Variants in RBM45 observed in about 807,000 individuals in gnomAD.
The protein encoded by RBM45 is RNA binding motif protein 45.
In RBM45, 39 loss-of-function variants were observed where a neutral mutation model predicts 58.5. That is an observed-to-expected ratio of 0.67 (90% CI 0.52 to 0.87). The LOEUF (loss-of-function observed/expected upper bound fraction) is 0.87. RBM45 is among the 40% of genes least tolerant of loss of function. The pLI is 0.00. For synonymous variants in RBM45, 193 were observed against 203.0 expected, an observed-to-expected ratio of 0.95 and a Z score of 0.42; for missense variants, 481 against 581.6, an observed-to-expected ratio of 0.83 and a Z score of 1.78.
intron 6 of RBM45, 32 bp from the exon 7 acceptor site, chr2:178,123,795 AG>A (rs1279413301): frequency 4.4e-6 from 7 of 1,608,494 alleles, no homozygotes; most frequent in Non-Finnish European, 5.1e-6. Flanking sequence ...GAATATTTTT[AG>A]TTTTCTGTAA....
intron 9 of RBM45, among the ~76,000 whole-genome samples, chr2:178,128,598 T>A (rs1397778987): frequency 1.3e-5 from 2 of 152,246 alleles, no homozygotes; most frequent in Admixed American, 1.3e-4. Flanking sequence ...GAATTGCATT[T>A]TCAGCATGGC....
intron 5 of RBM45, among the ~76,000 whole-genome samples, chr2:178,123,080 A>G (rs1031290037): frequency 6.6e-6 from 1 of 152,006 alleles, no homozygotes; most frequent in Non-Finnish European, 1.5e-5. Context: ...TCCTCTCCCT[A>G]CTGCTGCAGA....
chr2:178,115,834 A>C (rs1047487382), intron 1 of RBM45, among the ~76,000 whole-genome samples: 10 of 152,212 alleles, frequency 6.6e-5, no homozygotes, highest in Admixed American at 2.0e-4. Flanking sequence ...AACACAATGC[A>C]GAGATTGGTA....
exon 4 of RBM45, chr2:178,136,706 G>A: frequency 6.6e-6 from 1 of 152,340 alleles, no homozygotes; most frequent in Non-Finnish European, 1.5e-5. Flanking sequence ...TTTGCCCTGA[G>A]AACTTTGATC....
At chr2:178,112,884 A>G in intron 1 of RBM45, 38 bp downstream of exon 1, 1 of 1,586,036 alleles carries the variant, frequency 6.3e-7, no homozygotes, top group Non-Finnish European at 8.6e-7. Flanking sequence ...CGGGGGAAGG[A>G]GTGGGCCTCT....
chr2:178,128,704 G>A (rs915316758), intron 9 of RBM45, among the ~76,000 whole-genome samples: 2 of 152,242 alleles, frequency 1.3e-5, no homozygotes, highest in Middle Eastern at 3.4e-3. Flanking sequence ...GTTGAAAATG[G>A]CTGTTTGGAT....
intron 9 of RBM45, among the ~76,000 whole-genome samples, chr2:178,128,474 G>A (rs903082443): frequency 2.0e-5 from 3 of 152,162 alleles, no homozygotes; most frequent in Non-Finnish European, 4.4e-5. Context: ...CAAATGATCA[G>A]AAACTAAAAG....
downstream of RBM45, chr2:178,129,686 C>T (rs79833554): frequency 4.8e-3 from 727 of 152,608 alleles, 6 homozygotes; most frequent in Non-Finnish European, 6.0e-3. Flanking sequence ...AAGACAAGAA[C>T]GGAAAAATTT....
In RBM45 at chr2:178,126,248, A is replaced by G; in HGVS notation, c.*8+64A>G. ...TAAATAGTATATGAGGAATATGTGT[A>G]AGTACTTTATAAACTTTTCTTTTTA... is the stretch of plus-strand genomic sequence containing the variant. On this transcript the variant is annotated intron_variant, in intron 9 of 9. Transcript: ENST00000286070. The G allele has an allele frequency of 2.9e-6, 3 of 1,044,316 alleles. No homozygotes were observed. The South Asian group carries it at 6.3e-5, about 22-fold the overall frequency. The allele number at this position is 1,044,316 out of a possible 1,614,324, so 64.7% of individuals were successfully genotyped here. A position where few individuals can be genotyped will look rare whatever the true frequency, so the allele number is the denominator to read the frequency against.
Position 178,123,547 on chromosome 2 carries a change from T to C in RBM45, c.879T>C (p.Asn293=), listed in dbSNP as rs1319402690. 1 of 1,600,124 alleles carries C rather than the reference T, an allele frequency of 6.2e-7. No homozygotes were observed. Among genetic ancestry groups the C allele is most frequent in the Non-Finnish European group, 8.5e-7 (1 of 1,175,394 alleles). Residue 293 remains asparagine (N), a synonymous_variant, in exon 6 of 10, where the codon AAT becomes AAC. Transcript: ENST00000286070. ...GTCATGGAGTGGTTCAGTATTTTAA[T>C]GTAGCATCAGCTATTTATGCAAAAT... ...NYGHGVVQYF[N]VASAIYAKYK...
chr2:178,122,348 A>G (rs1259426456), intron 5 of RBM45, among the ~76,000 whole-genome samples: 2 of 152,084 alleles, frequency 1.3e-5, no homozygotes, highest in African/African-American at 4.8e-5. Flanking sequence ...ATGGCTATTG[A>G]CATAGAAGTA....
intron 1 of RBM45, 128 bp from the exon 2 acceptor site, chr2:178,116,134 T>G (rs1221418439): frequency 8.8e-6 from 11 of 1,244,850 alleles, no homozygotes; most frequent in Non-Finnish European, 1.2e-5. Flanking sequence ...CCTGCTTTTT[T>G]TTTTCTTTGA....
At chr2:178,127,427 A>G (rs989285251) in intron 9 of RBM45, among the ~76,000 whole-genome samples, 2 of 152,142 alleles carry the variant, frequency 1.3e-5, no homozygotes, top group East Asian at 1.9e-4. Flanking sequence ...GTGAGCTAGC[A>G]CGTATGAGAA....
chr2:178,123,645 C>T lies in RBM45; in HGVS notation c.977C>T (p.Ala326Val). Residue 326 changes from alanine (A) to valine (V), a missense_variant, in exon 6 of 10, where the codon GCA (alanine) becomes GTA (valine). Physicochemically the swap from Ala to Val is moderately conservative, Grantham distance 64 (BLOSUM62 0). Coordinates refer to ENST00000286070, the MANE Select transcript of RBM45 (RefSeq NM_152945.4). ...GVSFIDDGSN[A>V]TDLLRKMATQ... ...TCCTTCATTGATGATGGAAGTAATG[C>T]AACAGAGTAAGTACCATTCCAGGAG... 3 of 1,604,856 alleles carry T rather than the reference C, an allele frequency of 1.9e-6. No individual in the cohort carries two copies. Among genetic ancestry groups the T allele is most frequent in the African/African-American group, 2.7e-5 (2 of 74,542 alleles).
At position 178,123,689 on chromosome 2, in the gene RBM45, G is replaced by C. The variant is rs1373201327; in HGVS notation, c.983+38G>C. ...CCAGGAGTGTCTAAAGCCGAGCTTT[G>C]AGTGTACATGATTGATAGGACTTGA... is the stretch of plus-strand genomic sequence containing the variant. On this transcript the variant is annotated intron_variant, in intron 6 of 9. Coordinates refer to ENST00000286070, the MANE Select transcript of RBM45 (RefSeq NM_152945.4). The C allele has an allele frequency of 1.9e-6, 3 of 1,586,416 alleles. No individual in the cohort carries two copies. The South Asian group carries it at 3.5e-5, about 19-fold the overall frequency.
In RBM45 at chr2:178,118,220, A is replaced by G; in HGVS notation, c.550+39A>G. 2.6e-6 allele frequency: 4 copies of G among 1,554,718 alleles called. No homozygotes were observed. The South Asian group carries it at 4.9e-5, about 19-fold the overall frequency. On this transcript the variant is annotated intron_variant, in intron 3 of 9. Transcript: ENST00000286070. ...TAACATTGTTAAAAACTTTTGTAAA[A>G]AATTCTGATTATTCTAAATAGCTGA...
intron 1 of RBM45, among the ~76,000 whole-genome samples, chr2:178,113,662 C>G (rs756388535): frequency 6.6e-6 from 1 of 152,118 alleles, no homozygotes; most frequent in Non-Finnish European, 1.5e-5. Flanking sequence ...CAGGGTAAGC[C>G]CTCAATAATG....
At chr2:178,115,341 C>A (rs1384900138) in intron 1 of RBM45, among the ~76,000 whole-genome samples, 1 of 152,140 alleles carries the variant, frequency 6.6e-6, no homozygotes, top group African/African-American at 2.4e-5. Context: ...GCTCTGATGG[C>A]ACTTCCAATT....
At chr2:178,137,173 A>G (rs1393271452) in exon 4 of RBM45, 5 of 152,214 alleles carry the variant, frequency 3.3e-5, no homozygotes, top group Non-Finnish European at 5.9e-5. Flanking sequence ...TCATCAATGA[A>G]CTGCTCATTA....
Sources: allele counts gnomAD v4.1 joint callset (sites outside exome capture counted in the v4.1 genomes callset), GRCh38; gene constraint gnomAD v4.1.1; transcripts MANE v1.5; gene names NCBI Gene and HGNC (gene_info 2026-07-23, HGNC 2026-07-21).